CACNA2D4: variants seen among roughly 807,000 people sequenced by gnomAD.
The protein encoded by CACNA2D4 is voltage-dependent calcium channel subunit alpha-2/delta-4.
A neutral mutation model predicts 163.8 loss-of-function variants in CACNA2D4; 157 were observed. The ratio of observed to expected loss-of-function variants is 0.96; its 90% CI spans 0.84 to 1.09. The LOEUF (loss-of-function observed/expected upper bound fraction) is 1.09, where lower values mean the gene tolerates loss of function less well. Among genes scored for constraint, CACNA2D4 ranks in the 50% least tolerant of loss-of-function variants. The pLI, the probability that CACNA2D4 is intolerant of heterozygous loss-of-function variation, is 0.00. For synonymous variants in CACNA2D4, 598 were observed against 586.9 expected (o/e 1.02, Z -0.27); for missense variants, 1,410 against 1,479.9 (o/e 0.95, Z 0.78).
intron 26 of CACNA2D4, among the ~76,000 whole-genome samples, chr12:1,822,454 C>T (rs1024085847): frequency 2.5e-4 from 38 of 151,512 alleles, no homozygotes; most frequent in African/African-American, 8.6e-4. Context: ...GGGAATACCA[C>T]CCTGAGCCCA....
intron 26 of CACNA2D4, among the ~76,000 whole-genome samples, chr12:1,838,361 C>T (rs1864933824): frequency 6.6e-6 from 1 of 152,180 alleles, no homozygotes; most frequent in Admixed American, 6.5e-5. Context: ...ACAGACACCA[C>T]ACTCAGCAGG....
rs938409220 is a variant in CACNA2D4, at chr12:1,828,129, G to A, written c.2551+12610C>T. On this transcript the variant is annotated intron_variant, in intron 26 of 37. Transcript: ENST00000382722. This position sits in a 1 kb window ranked among gnomAD's most constrained non-coding sequence, Gnocchi z 4.2. ...CTCTCTCCCCAGAGCGACAGGGCCC[G>A]GAGAGCCGTGGGCCTCACCATGCTG... 83 of 1,523,196 alleles carry A rather than the reference G, an allele frequency of 5.4e-5. No individual in the cohort carries two copies. Among genetic ancestry groups the A allele is most frequent in the South Asian group, 7.4e-5 (6 of 80,860 alleles). 94.4% of individuals were successfully genotyped at this position (1,523,196 alleles called of 1,614,324 possible). A position where few individuals can be genotyped will look rare whatever the true frequency, so the allele number is the denominator to read the frequency against.
intron 26 of CACNA2D4, among the ~76,000 whole-genome samples, chr12:1,838,264 C>A (rs568420831): frequency 6.6e-6 from 1 of 152,186 alleles, no homozygotes; most frequent in Non-Finnish European, 1.5e-5. Flanking sequence ...ACGCGCAGCC[C>A]GCCACTGCCC....
At chr12:1,889,053 A>T (rs944914808) in intron 6 of CACNA2D4, among the ~76,000 whole-genome samples, 19 of 152,268 alleles carry the variant, frequency 1.2e-4, no homozygotes, top group Non-Finnish European at 1.6e-4. Flanking sequence ...CATCAATGAA[A>T]GCCAGAAGAC....
At chr12:1,882,805 A>G (rs55779143) in intron 13 of CACNA2D4, 62 bp downstream of exon 13, 282,156 of 1,582,842 alleles carry the variant, frequency 0.18, 34,087 homozygotes, top group East Asian at 0.5. Context: ...GTAACTTCTT[A>G]CTCCCTGGGG....
At chr12:1,826,621 C>T (rs1864339997) in intron 26 of CACNA2D4, among the ~76,000 whole-genome samples, 2 of 152,240 alleles carry the variant, frequency 1.3e-5, no homozygotes, top group Admixed American at 1.3e-4. Flanking sequence ...GGGCCTTCGG[C>T]AGACTGGCAC....
chr12:1,879,893 G>A lies in CACNA2D4; in HGVS notation c.1486-12C>T. ...TGCGAGCTGAGGAGCTGTAAGGGAG[G>A]GGAGAACAGGGGTCAGAAGGTGCGG... On this transcript the variant is annotated splice_polypyrimidine_tract_variant and intron_variant, in intron 13 of 37. Transcript: ENST00000382722. 6.3e-7 allele frequency: 1 copy of A among 1,581,420 alleles called. No individual in the cohort carries two copies. The highest frequency in any genetic ancestry group is 1.3e-5 in the African/African-American group (1 of 74,280).
chr12:1,825,748 C>T (rs896389474), intron 26 of CACNA2D4, among the ~76,000 whole-genome samples: 2 of 152,122 alleles, frequency 1.3e-5, no homozygotes, highest in African/African-American at 2.4e-5. Context: ...TCTGTGCACA[C>T]GTAAGTATCT....
intron 18 of CACNA2D4, among the ~76,000 whole-genome samples, chr12:1,864,814 T>A (rs115016506): frequency 6.6e-6 from 1 of 152,216 alleles, no homozygotes; most frequent in Non-Finnish European, 1.5e-5. Context: ...GAATTGCCGA[T>A]GGCTGCCCGC....
chr12:1,804,421 C>A (rs1023746962), intron 29 of CACNA2D4, among the ~76,000 whole-genome samples: 1 of 152,150 alleles, frequency 6.6e-6, no homozygotes, highest in Non-Finnish European at 1.5e-5. Context: ...GCTTATTCAC[C>A]AACAACCCTG....
At chr12:1,886,444 G>T (rs1301859030) in intron 7 of CACNA2D4, 71 bp from the exon 8 acceptor site, 9 of 1,458,004 alleles carry the variant, frequency 6.2e-6, no homozygotes, top group Admixed American at 3.8e-5. Flanking sequence ...CAAGGGGTCT[G>T]CAGTTATTTC....
chr12:1,811,518 C>A, intron 27 of CACNA2D4, 144 bp downstream of exon 27: 1 of 827,242 alleles, frequency 1.2e-6, no homozygotes, highest in Non-Finnish European at 2.0e-6. Context: ...GGCTGGGGAG[C>A]TGAGGGGCTG....
Position 1,820,014 on chromosome 12 carries a change from G to A in CACNA2D4, c.2552-8291C>T, listed in dbSNP as rs2154446290. 2.0e-5 allele frequency among the ~76,000 whole-genome samples: 3 copies of A among 152,342 alleles called. No individual in the cohort carries two copies. Among genetic ancestry groups the A allele is most frequent in the Middle Eastern group, 6.8e-3 (2 of 294 alleles). On this transcript the variant is annotated intron_variant, in intron 26 of 37. Transcript: ENST00000382722. This position sits in a 1 kb window ranked among gnomAD's most constrained non-coding sequence, Gnocchi z 6.0. ...TTTCCTGTAGGGTCATCTGGCACAT[G>A]GACATGCCTGTGTACCCTTCTTTCG... is the stretch of plus-strand genomic sequence containing the variant.
intron 26 of CACNA2D4, among the ~76,000 whole-genome samples, chr12:1,816,730 AAAC>A (rs1323105936): frequency 6.6e-6 from 1 of 152,346 alleles, no homozygotes; most frequent in East Asian, 1.9e-4. Context: ...AGGCAAAACC[AAAC>A]AACTGTGCAT....
chr12:1,907,632 C>T, intron 5 of CACNA2D4, 61 bp from the exon 6 acceptor site: 1 of 1,511,746 alleles, frequency 6.6e-7, no homozygotes, highest in Admixed American at 1.8e-5. Context: ...GGTGATCATG[C>T]CCGGTGAGGG....
At chr12:1,811,221 G>C (rs1189455832) in intron 27 of CACNA2D4, among the ~76,000 whole-genome samples, 2 of 152,236 alleles carry the variant, frequency 1.3e-5, no homozygotes, top group African/African-American at 4.8e-5. Flanking sequence ...AGCCCAGAGG[G>C]ACCTGAGGGC....
At chr12:1,851,895 G>A (rs1189714241) in intron 23 of CACNA2D4, among the ~76,000 whole-genome samples, 2 of 151,958 alleles carry the variant, frequency 1.3e-5, no homozygotes, top group African/African-American at 4.8e-5. Flanking sequence ...TGTGTTTTCA[G>A]GAGTGTTTCA....
At chr12:1,818,123 C>G (rs1863944690) in intron 26 of CACNA2D4, among the ~76,000 whole-genome samples, 1 of 147,380 alleles carries the variant, frequency 6.8e-6, no homozygotes, top group Non-Finnish European at 1.5e-5. Flanking sequence ...AGGAGCGTCT[C>G]TTCCCGGCCG....
At position 1,874,827 on chromosome 12, in the gene CACNA2D4, C is replaced by T. The variant is rs1565723005; in HGVS notation, c.1807-152G>A. ...AGAGATACCAGGAGGGAAGATGGACCTGACTCTAAGCTCCATCTAGCTCAT... is the reference window on the plus strand; with the variant it reads ...AGAGATACCAGGAGGGAAGATGGACTTGACTCTAAGCTCCATCTAGCTCAT... On this transcript the variant is annotated intron_variant, in intron 17 of 37. Coordinates refer to ENST00000382722, the MANE Select transcript of CACNA2D4 (RefSeq NM_172364.5). The surrounding 1 kb of genome is among the most constrained non-coding windows in gnomAD (Gnocchi z 4.4). 6.6e-6 allele frequency among the ~76,000 whole-genome samples: 1 copy of T among 152,180 alleles called. No individual in the cohort carries two copies. Among genetic ancestry groups the T allele is most frequent in the Non-Finnish European group, 1.5e-5 (1 of 68,028 alleles).
Sources: allele counts gnomAD v4.1 joint callset (sites outside exome capture counted in the v4.1 genomes callset), GRCh38; gene constraint gnomAD v4.1.1; non-coding constraint Gnocchi (gnomAD v3.1); transcripts MANE v1.5; gene names NCBI Gene and HGNC (gene_info 2026-07-23, HGNC 2026-07-21).